Variants in DOCK1 observed in about 807,000 individuals in gnomAD.
DOCK1 encodes the protein dedicator of cytokinesis protein 1.
In DOCK1, 138 loss-of-function variants were observed where a neutral mutation model predicts 262.7. The observed-to-expected ratio is 0.53, with a 90% CI of 0.46 to 0.61. DOCK1 has a LOEUF of 0.61. Among genes scored for constraint, DOCK1 ranks in the 20% least tolerant of loss-of-function variants. The probability of loss-of-function intolerance (pLI) is 0.00; values close to 1 mark genes in which losing one functional copy is unlikely to be tolerated. For synonymous variants in DOCK1, 866 were observed against 867.4 expected, an observed-to-expected ratio of 1.00 and a Z score of 0.03; for missense variants, 1,908 against 2,370.7, an observed-to-expected ratio of 0.80 and a Z score of 4.05.
chr10:126,978,519 C>T (rs183452900), intron 3 of DOCK1, among the ~76,000 whole-genome samples: 16 of 152,246 alleles, frequency 1.1e-4, no homozygotes, highest in Non-Finnish European at 1.3e-4. Context: ...AATTACACCT[C>T]GGATCATTGT....
intron 29 of DOCK1, among the ~76,000 whole-genome samples, chr10:127,274,739 T>A (rs1257379869): frequency 1.3e-5 from 2 of 152,232 alleles, no homozygotes; most frequent in African/African-American, 2.4e-5. Context: ...TCCCGAGCTC[T>A]GTTTTGGCCT....
At chr10:127,204,613 G>A (rs759477125) in intron 27 of DOCK1, among the ~76,000 whole-genome samples, 88 of 152,154 alleles carry the variant, frequency 5.8e-4, no homozygotes, top group South Asian at 4.1e-4. Context: ...ATAGAGATGG[G>A]CGTTTGGAAA....
intron 31 of DOCK1, among the ~76,000 whole-genome samples, chr10:127,346,072 G>C (rs1438561797): frequency 6.6e-6 from 1 of 152,214 alleles, no homozygotes; most frequent in Admixed American, 6.5e-5. Flanking sequence ...ACCTGCCCAA[G>C]TGTCCAGCGC....
At chr10:127,071,598 C>A (rs1465367161) in intron 23 of DOCK1, among the ~76,000 whole-genome samples, 4 of 152,112 alleles carry the variant, frequency 2.6e-5, no homozygotes, top group African/African-American at 7.2e-5. Context: ...ATTTTTTTAT[C>A]ATTTTATCAC....
chr10:127,017,035 C>CAGA (rs2041984489), intron 12 of DOCK1, among the ~76,000 whole-genome samples: 2 of 108,400 alleles, frequency 1.8e-5, no homozygotes, highest in South Asian at 3.2e-4. Flanking sequence ...GATACAGATA[C>CAGA]CACACACACA....
At chr10:127,083,883 T>C (rs2047051219) in intron 23 of DOCK1, among the ~76,000 whole-genome samples, 1 of 152,238 alleles carries the variant, frequency 6.6e-6, no homozygotes, top group Non-Finnish European at 1.5e-5. Context: ...GGGTTAGGAT[T>C]GCTTGACATC....
At chr10:126,906,875 G>A (rs1422679417) in intron 1 of DOCK1, among the ~76,000 whole-genome samples, 1 of 152,200 alleles carries the variant, frequency 6.6e-6, no homozygotes, top group Admixed American at 6.5e-5. Context: ...GACAGCCCTG[G>A]GTCCTACCGG....
chr10:127,312,371 A>G (rs11017240), intron 29 of DOCK1, among the ~76,000 whole-genome samples: 56,601 of 152,034 alleles, frequency 0.37, 11,106 homozygotes, highest in Admixed American at 0.44. Context: ...GGGGCCCTCA[A>G]TGCCCCTCTG....
At chr10:127,319,546 CAA>C (rs536231242) in intron 29 of DOCK1, among the ~76,000 whole-genome samples, 12 of 152,294 alleles carry the variant, frequency 7.9e-5, no homozygotes, top group African/African-American at 2.6e-4. Context: ...CTGTTAATAG[CAA>C]AGTCAATGCA....
intron 29 of DOCK1, chr10:127,271,925 A>G (rs971508368): frequency 3.3e-5 from 5 of 152,084 alleles, no homozygotes; most frequent in Non-Finnish European, 5.9e-5. Flanking sequence ...TTTAAGATCT[A>G]TTAGCCAGAG....
chr10:127,131,342 C>G (rs1405742212), intron 27 of DOCK1, among the ~76,000 whole-genome samples: 2 of 152,054 alleles, frequency 1.3e-5, no homozygotes, highest in Non-Finnish European at 1.5e-5. Context: ...CGGACTCCTC[C>G]CAATTCCACC....
chr10:127,151,923 AC>A (rs1377751711), intron 27 of DOCK1, among the ~76,000 whole-genome samples: 1 of 152,204 alleles, frequency 6.6e-6, no homozygotes, highest in African/African-American at 2.4e-5. Context: ...TTATTCAGTC[AC>A]TTTTAATGTC....
chr10:127,205,450 A>G (rs922621456), intron 27 of DOCK1, among the ~76,000 whole-genome samples: 1 of 152,156 alleles, frequency 6.6e-6, no homozygotes, highest in Non-Finnish European at 1.5e-5. Flanking sequence ...TTGATATTTT[A>G]CAGAACCTCT....
At chr10:127,087,617 C>T (rs926526713) in intron 23 of DOCK1, among the ~76,000 whole-genome samples, 1 of 152,148 alleles carries the variant, frequency 6.6e-6, no homozygotes, top group Non-Finnish European at 1.5e-5. Flanking sequence ...TCTCAAGAAA[C>T]ATCCCCCACT....
At chr10:127,391,833 C>T (rs1228744950) in intron 38 of DOCK1, among the ~76,000 whole-genome samples, 1 of 152,112 alleles carries the variant, frequency 6.6e-6, no homozygotes. Context: ...CCTGTCTCCA[C>T]CCTTCCGCTC....
intron 29 of DOCK1, among the ~76,000 whole-genome samples, chr10:127,258,085 G>T (rs959109273): frequency 1.6e-4 from 24 of 152,116 alleles, no homozygotes; most frequent in Non-Finnish European, 1.9e-4. Context: ...AAGTCATAGA[G>T]ATCTTGTGTA....
intron 1 of DOCK1, among the ~76,000 whole-genome samples, chr10:126,907,180 C>T (rs1465715137): frequency 3.3e-5 from 5 of 152,080 alleles, no homozygotes; most frequent in African/African-American, 1.2e-4. Context: ...GTTGTGGCGA[C>T]AGTGGGGGTC....
intron 23 of DOCK1, among the ~76,000 whole-genome samples, chr10:127,082,912 A>G (rs12264769): frequency 0.22 from 32,819 of 152,020 alleles, 4,976 homozygotes; most frequent in African/African-American, 0.43. Flanking sequence ...TGCTGTCTCC[A>G]TGTCTTTGTG....
intron 27 of DOCK1, among the ~76,000 whole-genome samples, chr10:127,226,733 G>A (rs1170411215): frequency 6.6e-6 from 1 of 151,906 alleles, no homozygotes; most frequent in Non-Finnish European, 1.5e-5. Flanking sequence ...GACAGGGGAA[G>A]ACTGGGTCTC....
Sources: allele counts gnomAD v4.1 joint callset (sites outside exome capture counted in the v4.1 genomes callset), GRCh38; gene constraint gnomAD v4.1.1; transcripts MANE v1.5; gene names NCBI Gene and HGNC (gene_info 2026-07-23, HGNC 2026-07-21).